Variants in SLC12A7 observed in about 807,000 individuals in gnomAD.
SLC12A7 encodes the protein K-Cl cotransporter 4.
In SLC12A7, 100 loss-of-function variants were observed where a neutral mutation model predicts 120.6. The ratio of observed to expected loss-of-function variants is 0.83; its 90% CI spans 0.71 to 0.98. SLC12A7 has a LOEUF of 0.98. Ranked by LOEUF, SLC12A7 falls within the 50% of genes least tolerant of loss-of-function variation. The pLI is 0.00. For synonymous variants in SLC12A7, 760 were observed against 678.0 expected, an observed-to-expected ratio of 1.12 and a Z score of -1.88; for missense variants, 1,373 against 1,548.1, an observed-to-expected ratio of 0.89 and a Z score of 1.90.
In SLC12A7 at chr5:1,052,463, A is replaced by C. The variant is rs1390276517; in HGVS notation, c.3161-12T>G. On this transcript the variant is annotated splice_polypyrimidine_tract_variant and intron_variant, in intron 23 of 23. Coordinates refer to ENST00000264930, the MANE Select transcript of SLC12A7 (RefSeq NM_006598.3). ...AAGAAACTCCATGTCTGTGGTCAAC[A>C]GAGTTAAGGCCACAGCTGATCTTAC... 3 of 1,606,848 alleles carry C rather than the reference A, an allele frequency of 1.9e-6. No homozygotes were observed. The highest frequency in any genetic ancestry group is 2.6e-6 in the Non-Finnish European group (3 of 1,174,670).
the SLC12A7 span, among the ~76,000 whole-genome samples, chr5:1,145,807 C>T: frequency 1.3e-5 from 2 of 152,056 alleles, no homozygotes; most frequent in Non-Finnish European, 2.9e-5. The surrounding 1 kb of genome is among the most constrained non-coding windows in gnomAD (Gnocchi z 4.4). Context: ...TTTAGTTTAT[C>T]TCTAGGCCCC....
the SLC12A7 span, among the ~76,000 whole-genome samples, chr5:1,135,042 G>GCTT: frequency 6.6e-6 from 1 of 151,832 alleles, no homozygotes; most frequent in Non-Finnish European, 1.5e-5. Flanking sequence ...CAGGAGAATC[G>GCTT]CTTGAACCCG....
chr5:1,078,086 G>A, intron 11 of SLC12A7, 79 bp from the exon 12 acceptor site: 1 of 1,468,928 alleles, frequency 6.8e-7, no homozygotes, highest in South Asian at 1.3e-5. Flanking sequence ...CCCACCCAGA[G>A]CGAGGGGCCC....
intron 20 of SLC12A7, among the ~76,000 whole-genome samples, chr5:1,062,326 T>A (rs1047477650): frequency 1.3e-5 from 2 of 152,198 alleles, no homozygotes; most frequent in African/African-American, 4.8e-5. Context: ...ACGTTATTCA[T>A]ACGACTATTA....
intron 19 of SLC12A7, 27 bp from the exon 20 acceptor site, chr5:1,064,002 G>C: frequency 6.2e-7 from 1 of 1,609,764 alleles, no homozygotes. Flanking sequence ...CATGGCTGTG[G>C]GGCCTCAGAG....
At chr5:1,121,388 T>C in the SLC12A7 span, among the ~76,000 whole-genome samples, 20 of 152,300 alleles carry the variant, frequency 1.3e-4, no homozygotes, top group Admixed American at 2.0e-4. Flanking sequence ...CTCATGGACT[T>C]GCTGGGGGGC....
intron 1 of SLC12A7, among the ~76,000 whole-genome samples, chr5:1,095,361 G>A (rs543091508): frequency 6.6e-6 from 1 of 152,190 alleles, no homozygotes; most frequent in African/African-American, 2.4e-5. Context: ...AGCAGCCCAT[G>A]GTCAGAACAG....
chr5:1,134,599 C>T, the SLC12A7 span, among the ~76,000 whole-genome samples: 14 of 152,192 alleles, frequency 9.2e-5, no homozygotes, highest in Non-Finnish European at 1.3e-4. Context: ...ACAGTCCATA[C>T]GGAAACAGAA....
chr5:1,068,804 G>C (rs1737328917), intron 17 of SLC12A7, among the ~76,000 whole-genome samples: 1 of 152,278 alleles, frequency 6.6e-6, no homozygotes, highest in Non-Finnish European at 1.5e-5. Flanking sequence ...TGGCCGTGAA[G>C]ACTGTGGCAG....
rs575270297 is a variant in SLC12A7 at position 1,057,347 on chromosome 5, C to T, written c.3026+124G>A. 191 of 1,010,190 alleles carry T rather than the reference C, an allele frequency of 1.9e-4. 6 individuals are homozygous for T. In the Admixed American group the frequency reaches 2.8e-3, roughly 15 times the overall value. The allele number at this position is 1,010,190 out of a possible 1,614,324, so 62.6% of individuals were successfully genotyped here. ...ACTCAGGCGGCTCCCTGTTCTCTAACGGGCCCACTGGCCTGCAGGGTTGCC... is the reference window on the plus strand; with the variant it reads ...ACTCAGGCGGCTCCCTGTTCTCTAATGGGCCCACTGGCCTGCAGGGTTGCC... On this transcript the variant is annotated intron_variant, in intron 22 of 23. Coordinates refer to ENST00000264930, the MANE Select transcript of SLC12A7 (RefSeq NM_006598.3).
At chr5:1,138,044 C>T in the SLC12A7 span, among the ~76,000 whole-genome samples, 2 of 152,204 alleles carry the variant, frequency 1.3e-5, no homozygotes, top group African/African-American at 4.8e-5. Flanking sequence ...GAAGTGGTCA[C>T]GCTGTGTCCA....
the SLC12A7 span, among the ~76,000 whole-genome samples, chr5:1,130,596 G>C: frequency 6.6e-6 from 1 of 150,816 alleles, no homozygotes; most frequent in Non-Finnish European, 1.5e-5. Flanking sequence ...GCCCGCGCAG[G>C]TCCCCTCACC....
chr5:1,124,605 C>A, the SLC12A7 span, among the ~76,000 whole-genome samples: 5 of 152,018 alleles, frequency 3.3e-5, no homozygotes, highest in African/African-American at 1.2e-4. Context: ...GCGGGGCAGG[C>A]GGCAGAGCCT....
the SLC12A7 span, among the ~76,000 whole-genome samples, chr5:1,134,480 A>T: frequency 6.6e-6 from 1 of 152,070 alleles, no homozygotes; most frequent in Admixed American, 6.5e-5. Flanking sequence ...AAAAAAAAAA[A>T]ATTTGAACAC....
In SLC12A7 at chr5:1,059,910, G is replaced by C. The variant is rs554319102; in HGVS notation, c.2847+434C>G. On this transcript the variant is annotated intron_variant, in intron 21 of 23. Transcript: ENST00000264930. ...GAGGGGCTCCACGGTTTCAGGCTGT[G>C]AGACAAAGCAGCCATCGTAAGCAGC... Among the ~76,000 whole-genome samples, 6 of 152,322 alleles carry C rather than the reference G, an allele frequency of 3.9e-5. 1 individual carries two copies. The East Asian group carries it at 7.7e-4, about 20-fold the overall frequency.
At chr5:1,145,206 G>A in the SLC12A7 span, among the ~76,000 whole-genome samples, 1 of 152,252 alleles carries the variant, frequency 6.6e-6, no homozygotes, top group Admixed American at 6.5e-5. This position sits in a 1 kb window ranked among gnomAD's most constrained non-coding sequence, Gnocchi z 4.4. Flanking sequence ...GACAGTGAGT[G>A]GCCACAAGGG....
upstream of SLC12A7, among the ~76,000 whole-genome samples, chr5:1,113,645 G>A (rs1743196193): frequency 6.6e-6 from 1 of 152,140 alleles, no homozygotes; most frequent in South Asian, 2.1e-4. Flanking sequence ...TAGGTCAGCT[G>A]CCTCCCTGGG....
At position 1,083,898 on chromosome 5, in the gene SLC12A7, C is replaced by T. The variant is rs536459458; in HGVS notation, c.976G>A (p.Ala326Thr). The T allele has an allele frequency of 4.4e-5, 70 of 1,608,220 alleles. No homozygotes were observed. The African/African-American group carries it at 7.7e-4, about 18-fold the overall frequency. Residue 326 changes from alanine to threonine, a missense_variant, in exon 8 of 24, where the codon GCC (alanine) becomes ACC (threonine). Coordinates refer to ENST00000264930, the MANE Select transcript of SLC12A7 (RefSeq NM_006598.3). ...SRRSFDACVK[A>T]YGIHNNSATS... The stretch of plus-strand genomic sequence containing the variant: ...GCTGAGTTGTTGTGGATGCCGTAGG[C>T]CTTGACGCAGGCATCGAAGCTGCGC...
chr5:1,081,781 C>T (rs1739154182), intron 8 of SLC12A7, 37 bp from the exon 9 acceptor site: 1 of 1,590,962 alleles, frequency 6.3e-7, no homozygotes, highest in Non-Finnish European at 8.6e-7. Flanking sequence ...TTTCTGGCAC[C>T]TTCTGTGCAG....
Sources: gnomAD v4.1 joint callset for allele counts (sites outside exome capture counted in the v4.1 genomes callset) on GRCh38, gnomAD v4.1.1 for gene constraint, Gnocchi (gnomAD v3.1) non-coding constraint, MANE v1.5 for transcripts, NCBI Gene and HGNC (gene_info 2026-07-23, HGNC 2026-07-21) for gene names.